The following KDM4A variants were observed in gnomAD, a reference collection of about 807,000 sequenced individuals.
The protein encoded by KDM4A is lysine demethylase 4A, also known as lysine-specific demethylase 4A.
In KDM4A, 23 loss-of-function variants were observed where a neutral mutation model predicts 127.1. The observed-to-expected ratio is 0.18, with a 90% confidence interval of 0.13 to 0.26. The LOEUF is 0.26. Ranked by LOEUF, KDM4A falls within the 10% of genes least tolerant of loss-of-function variation. The probability of loss-of-function intolerance (pLI) is 1.00; values close to 1 mark genes in which losing one functional copy is unlikely to be tolerated. For synonymous variants in KDM4A, 443 were observed against 466.5 expected, an observed-to-expected ratio of 0.95 and a Z score of 0.65; for missense variants, 890 against 1,329.1, an observed-to-expected ratio of 0.67 and a Z score of 5.14.
At chr1:43,654,702 AGTGT>A (rs58710892) in intron 2 of KDM4A, among the ~76,000 whole-genome samples, 27,202 of 131,618 alleles carry the variant, frequency 0.21, 2,977 homozygotes, top group Non-Finnish European at 0.29. Context: ...GATGCTTGTG[AGTGT>A]GTGTGTGTGT....
chr1:43,686,958 A>G (rs530147074), intron 12 of KDM4A, among the ~76,000 whole-genome samples: 3 of 152,300 alleles, frequency 2.0e-5, no homozygotes, highest in East Asian at 1.9e-4. Flanking sequence ...GTATTCACAA[A>G]TGGAATGATC....
chr1:43,672,580 C>T lies in KDM4A; in HGVS notation c.1734+705C>T, dbSNP rs372735328. On this transcript the variant is annotated intron_variant, in intron 11 of 21. Coordinates refer to ENST00000372396, the MANE Select transcript of KDM4A (RefSeq NM_014663.3). The stretch of plus-strand genomic sequence containing the variant: ...CACGATCTTGGCTCACTGCAAGCTC[C>T]GCCTCCTGGGTTCACACCATTCTCC... 2.0e-4 allele frequency among the ~76,000 whole-genome samples: 31 copies of T among 151,508 alleles called. No individual in the cohort carries two copies. In the South Asian group the frequency reaches 6.3e-3, roughly 31 times the overall value.
intron 19 of KDM4A, among the ~76,000 whole-genome samples, chr1:43,700,369 C>T (rs533327244): frequency 2.0e-4 from 30 of 151,884 alleles, no homozygotes; most frequent in Admixed American, 2.6e-4. Flanking sequence ...TCAAGCAATC[C>T]GCCTACCTCG....
intron 11 of KDM4A, among the ~76,000 whole-genome samples, chr1:43,680,520 G>A (rs1382550240): frequency 6.6e-6 from 1 of 152,170 alleles, no homozygotes; most frequent in Non-Finnish European, 1.5e-5. Flanking sequence ...TGAAACACTT[G>A]TTCTCTTATG....
At position 43,688,470 on chromosome 1, in the gene KDM4A, T is replaced by C. The variant is rs543327710; in HGVS notation, c.1856-444T>C. Reference sequence around the variant, plus strand: ...TTTAAGCTTTGCCAATTCCCTGTTATTTTCCTTCCTTGTTTAGTTGCACTA... The same window carrying C: ...TTTAAGCTTTGCCAATTCCCTGTTACTTTCCTTCCTTGTTTAGTTGCACTA... On this transcript the variant is annotated intron_variant, in intron 12 of 21. Coordinates refer to ENST00000372396, the MANE Select transcript of KDM4A (RefSeq NM_014663.3). The surrounding 1 kb of genome is among the most constrained non-coding windows in gnomAD (Gnocchi z 4.4). Among the ~76,000 whole-genome samples, 23 of 152,216 alleles carry C rather than the reference T, an allele frequency of 1.5e-4. No individual in the cohort carries two copies. Among genetic ancestry groups the C allele is most frequent in the Non-Finnish European group, 3.1e-4 (21 of 68,036 alleles).
intron 19 of KDM4A, 135 bp from the exon 20 acceptor site, chr1:43,703,481 AT>A (rs1208439278): frequency 3.6e-6 from 4 of 1,124,220 alleles, no homozygotes; most frequent in African/African-American, 1.6e-5. Context: ...AACTGTTAAC[AT>A]TTTTCAGCCC....
Position 43,653,316 on chromosome 1 carries a change from A to G in KDM4A, c.138+3A>G, listed in dbSNP as rs1302254537. 1.2e-6 allele frequency: 2 copies of G among 1,609,696 alleles called. No homozygotes were observed. The highest frequency in any genetic ancestry group is 1.7e-4 in the Middle Eastern group (1 of 6,030). Reference sequence around the variant, plus strand: ...CTCATCGGGCAGGGCTAGCCAAGGTAAGGAGCTGGGATTGTTCAAATGGTT... The same window carrying G: ...CTCATCGGGCAGGGCTAGCCAAGGTGAGGAGCTGGGATTGTTCAAATGGTT... On this transcript the variant is annotated splice_donor_region_variant and intron_variant, in intron 2 of 21. Coordinates refer to ENST00000372396, the MANE Select transcript of KDM4A (RefSeq NM_014663.3).
chr1:43,704,894 C>T lies in KDM4A; in HGVS notation c.*524C>T, dbSNP rs1661514387. 6.3e-6 allele frequency: 1 copy of T among 157,542 alleles called. No individual in the cohort carries two copies. The highest frequency in any genetic ancestry group is 2.4e-5 in the African/African-American group (1 of 41,464). The allele number at this position is 157,542 out of a possible 1,614,324, so 9.8% of individuals were successfully genotyped here. ...GGCAAACAAAATGTGAAATTCTGCC[C>T]TCAGCTGAGCTGAGTAAGGGCTCCT... On this transcript the variant is annotated 3_prime_UTR_variant, in exon 22 of 22. Transcript: ENST00000372396.
At chr1:43,701,233 AATTAC>A (rs1385797642) in intron 19 of KDM4A, among the ~76,000 whole-genome samples, 1 of 152,170 alleles carries the variant, frequency 6.6e-6, no homozygotes, top group Non-Finnish European at 1.5e-5. Flanking sequence ...ATATTTTAAA[AATTAC>A]ATTTGTTAGT....
At chr1:43,702,324 T>C (rs1478539640) in intron 19 of KDM4A, 2 of 152,252 alleles carry the variant, frequency 1.3e-5, no homozygotes, top group African/African-American at 2.4e-5. Flanking sequence ...ACACCTCAGA[T>C]ATTGGGTGTA....
chr1:43,683,858 G>A, intron 12 of KDM4A, 54 bp downstream of exon 12: 5 of 1,593,828 alleles, frequency 3.1e-6, no homozygotes, highest in Non-Finnish European at 2.6e-6. Flanking sequence ...CATTAGACTT[G>A]ACAGGACAGG....
At chr1:43,700,196 C>G (rs997252416) in intron 19 of KDM4A, 2 of 151,780 alleles carry the variant, frequency 1.3e-5, no homozygotes, top group Non-Finnish European at 2.9e-5. Context: ...GCAGTGATCT[C>G]AACTCACTGC....
At chr1:43,683,398 CAG>C (rs1660900622) in intron 11 of KDM4A, among the ~76,000 whole-genome samples, 1 of 152,244 alleles carries the variant, frequency 6.6e-6, no homozygotes, top group Non-Finnish European at 1.5e-5. Context: ...AAGCCTCTCT[CAG>C]AGCTGGAGCA....
At chr1:43,652,905 A>C (rs1481267647) in intron 1 of KDM4A, among the ~76,000 whole-genome samples, 1 of 151,714 alleles carries the variant, frequency 6.6e-6, no homozygotes, top group Non-Finnish European at 1.5e-5. Context: ...GCTGGTCTCA[A>C]ACTTATGACC....
chr1:43,703,793 C>T (rs550537520), intron 20 of KDM4A, 57 bp downstream of exon 20: 1 of 1,605,738 alleles, frequency 6.2e-7, no homozygotes, highest in South Asian at 1.1e-5. Context: ...TTCTGTGCTT[C>T]CTGTTGGGCC....
Position 43,704,323 on chromosome 1 carries a change from C to T in KDM4A, c.3148C>T (p.Arg1050Trp), listed in dbSNP as rs1661488828. 4 of 1,613,706 alleles carry T rather than the reference C, an allele frequency of 2.5e-6. No homozygotes were observed. Among genetic ancestry groups the T allele is most frequent in the East Asian group, 2.2e-5 (1 of 44,896 alleles). The change falls in exon 22 of 22, where the codon CGG becomes TGG. Residue 1050 changes from arginine (R) to tryptophan (W), a missense_variant. Physicochemically the swap from Arg to Trp is moderately radical, Grantham distance 101. Transcript: ENST00000372396. ...GCAACGAGTTATCAACTCAAGATAC[C>T]GGGAAGATTATATTGAGCCTGCACT... ...KRQRVINSRYREDYIEPALYR... is the reference protein window; with the variant it reads ...KRQRVINSRYWEDYIEPALYR...
intron 11 of KDM4A, among the ~76,000 whole-genome samples, chr1:43,677,344 CAAAAAAAAAAAA>C (rs35771419): frequency 3.0e-5 from 2 of 65,806 alleles, no homozygotes; most frequent in African/African-American, 9.0e-5. Context: ...GACTCCATCT[CAAAAAAAAAAAA>C]AAAAAAAGGA....
chr1:43,682,914 G>A (rs1660890162), intron 11 of KDM4A, among the ~76,000 whole-genome samples: 1 of 152,220 alleles, frequency 6.6e-6, no homozygotes, highest in African/African-American at 2.4e-5. Context: ...TGCATCTCCT[G>A]ATGTCAGTAT....
At chr1:43,701,156 T>C (rs1035402818) in intron 19 of KDM4A, among the ~76,000 whole-genome samples, 1 of 151,640 alleles carries the variant, frequency 6.6e-6, no homozygotes, top group Non-Finnish European at 1.5e-5. Flanking sequence ...CTTGACCTCG[T>C]GATCTGCCCG....
Sources: allele counts gnomAD v4.1 joint callset (sites outside exome capture counted in the v4.1 genomes callset), GRCh38; gene constraint gnomAD v4.1.1; non-coding constraint Gnocchi (gnomAD v3.1); transcripts MANE v1.5; gene names NCBI Gene and HGNC (gene_info 2026-07-23, HGNC 2026-07-21).